Variants in CSMD1 observed in about 807,000 individuals in gnomAD.
CSMD1 encodes CUB and Sushi multiple domains 1, also known as CUB and sushi domain-containing protein 1.
Under a neutral mutation model 417.5 loss-of-function variants are expected in CSMD1, and 213 were observed. The observed-to-expected ratio is 0.51, with a 90% CI of 0.46 to 0.57. The LOEUF (loss-of-function observed/expected upper bound fraction) is 0.57, where lower values mean the gene tolerates loss of function less well. CSMD1 is among the 20% of genes least tolerant of loss of function. The probability of loss-of-function intolerance (pLI) is 0.00; values close to 1 mark genes in which losing one functional copy is unlikely to be tolerated. For missense variants in CSMD1, 6,923 were observed against 4,529.7 expected (o/e 1.53, Z -15.17); for synonymous variants, 2,862 against 1,736.8 (o/e 1.65, Z -16.11).
At chr8:3,581,296 C>A (rs1180580968) in intron 9 of CSMD1, among the ~76,000 whole-genome samples, 1 of 152,128 alleles carries the variant, frequency 6.6e-6, no homozygotes, top group Non-Finnish European at 1.5e-5. Context: ...TCTTACCCTG[C>A]AAAAAATCAT....
At chr8:4,586,527 T>C (rs1167177358) in intron 2 of CSMD1, among the ~76,000 whole-genome samples, 1 of 152,196 alleles carries the variant, frequency 6.6e-6, no homozygotes, top group Non-Finnish European at 1.5e-5. Context: ...TTGGCAATTT[T>C]CCAGGAAAAA....
At chr8:3,468,956 C>G in intron 11 of CSMD1, 132 bp from the exon 12 acceptor site, 2 of 587,110 alleles carry the variant, frequency 3.4e-6, no homozygotes, top group Non-Finnish European at 6.1e-6. Context: ...CTTTCAAAGA[C>G]TGTACAGCCT....
At chr8:4,437,810 T>C (rs944506533) in intron 2 of CSMD1, among the ~76,000 whole-genome samples, 11 of 152,160 alleles carry the variant, frequency 7.2e-5, no homozygotes, top group African/African-American at 2.7e-4. Flanking sequence ...AGGCCGTGTT[T>C]GGTTGATGGG....
chr8:3,838,463 T>G (rs1802851245), intron 5 of CSMD1, among the ~76,000 whole-genome samples: 1 of 141,454 alleles, frequency 7.1e-6, no homozygotes, highest in South Asian at 2.1e-4. Flanking sequence ...ATATATAGGC[T>G]ATATTATATT....
At chr8:3,523,773 A>C (rs1797620042) in intron 10 of CSMD1, among the ~76,000 whole-genome samples, 6 of 151,844 alleles carry the variant, frequency 4.0e-5, no homozygotes, top group Admixed American at 3.9e-4. Context: ...ATGCACACAC[A>C]TGCACACCCA....
chr8:3,965,950 C>G (rs777772184), intron 5 of CSMD1, among the ~76,000 whole-genome samples: 5 of 152,108 alleles, frequency 3.3e-5, no homozygotes, highest in Admixed American at 6.5e-5. Context: ...TAAGAACTGT[C>G]AAGGTCTTTT....
At chr8:4,180,339 A>G (rs35340681) in intron 3 of CSMD1, among the ~76,000 whole-genome samples, 1 of 150,526 alleles carries the variant, frequency 6.6e-6, no homozygotes, top group Non-Finnish European at 1.5e-5. Flanking sequence ...AAAAAACCAA[A>G]CAATGCATGT....
intron 1 of CSMD1, among the ~76,000 whole-genome samples, chr8:4,934,103 G>A (rs1204848467): frequency 6.6e-6 from 1 of 152,078 alleles, no homozygotes; most frequent in Non-Finnish European, 1.5e-5. Flanking sequence ...CGGCAGCCGT[G>A]AGCACCAGGG....
At chr8:4,119,439 T>C (rs1419065763) in intron 3 of CSMD1, among the ~76,000 whole-genome samples, 1 of 152,172 alleles carries the variant, frequency 6.6e-6, no homozygotes, top group Non-Finnish European at 1.5e-5. Flanking sequence ...TATTGATGTG[T>C]CATGGACTGA....
At chr8:3,906,193 A>C (rs1808097739) in intron 5 of CSMD1, among the ~76,000 whole-genome samples, 4 of 152,190 alleles carry the variant, frequency 2.6e-5, no homozygotes, top group Admixed American at 1.3e-4. Context: ...AATGTAAGTG[A>C]ATCACAAGTG....
chr8:4,153,969 A>C (rs1796698285), intron 3 of CSMD1, among the ~76,000 whole-genome samples: 1 of 152,184 alleles, frequency 6.6e-6, no homozygotes. Flanking sequence ...ACTGACAGCA[A>C]ATTACTGAGA....
Position 3,893,345 on chromosome 8 carries a change from A to ATATATATATATATATATATATG in CSMD1, c.818+104557_818+104558insCATATATATATATATATATATA, listed in dbSNP as rs1554476833. On this transcript the variant is annotated intron_variant, in intron 5 of 69. Coordinates refer to ENST00000635120, the MANE Select transcript of CSMD1 (RefSeq NM_033225.6). The stretch of plus-strand genomic sequence containing the variant: ...ACTAATAATATTCACAATTTTATAT[A>ATATATATATATATATATATATG]TATATATATATATATATTATTTTTT... Among the ~76,000 whole-genome samples, 232 of 127,282 alleles carry ATATATATATATATATATATATG rather than the reference A, an allele frequency of 1.8e-3. 9 individuals are homozygous for ATATATATATATATATATATATG. The highest frequency in any genetic ancestry group is 6.0e-3 in the African/African-American group (223 of 37,346). The allele number at this position is 127,282 out of a possible 152,430, so 83.5% of individuals were successfully genotyped here.
At chr8:3,568,331 G>T (rs1287136990) in intron 10 of CSMD1, among the ~76,000 whole-genome samples, 1 of 152,092 alleles carries the variant, frequency 6.6e-6, no homozygotes, top group Non-Finnish European at 1.5e-5. Flanking sequence ...TCTTTTTATA[G>T]CTGAGTAATA....
intron 3 of CSMD1, among the ~76,000 whole-genome samples, chr8:4,324,380 G>C (rs1225574561): frequency 6.6e-6 from 1 of 152,200 alleles, no homozygotes; most frequent in Non-Finnish European, 1.5e-5. Flanking sequence ...GACACCAGAG[G>C]TGGGGCAGGA....
intron 26 of CSMD1, among the ~76,000 whole-genome samples, chr8:3,276,266 G>A (rs1486196572): frequency 6.6e-6 from 1 of 152,154 alleles, no homozygotes; most frequent in East Asian, 1.9e-4. Context: ...ACTTGAGGAG[G>A]CAGTCTTCCT....
At chr8:4,309,114 T>C (rs900778377) in intron 3 of CSMD1, among the ~76,000 whole-genome samples, 1 of 152,198 alleles carries the variant, frequency 6.6e-6, no homozygotes, top group African/African-American at 2.4e-5. Context: ...TCTAGTTTAA[T>C]CAATGTCAGG....
chr8:3,719,941 G>C (rs74628457), intron 6 of CSMD1, among the ~76,000 whole-genome samples: 2 of 152,134 alleles, frequency 1.3e-5, no homozygotes, highest in African/African-American at 4.8e-5. Context: ...GATTCCTCGT[G>C]TGTTTAATAA....
intron 5 of CSMD1, among the ~76,000 whole-genome samples, chr8:3,901,037 T>C (rs924606621): frequency 2.6e-5 from 4 of 152,234 alleles, no homozygotes; most frequent in Non-Finnish European, 2.9e-5. Context: ...ACTTTGGTAA[T>C]AAGATGGCTT....
At chr8:4,938,240 A>C (rs1202000562) in intron 1 of CSMD1, among the ~76,000 whole-genome samples, 3 of 152,182 alleles carry the variant, frequency 2.0e-5, no homozygotes, top group Non-Finnish European at 4.4e-5. Context: ...TACACTAGAA[A>C]ATGGATTTCA....
Sources: allele counts gnomAD v4.1 joint callset (sites outside exome capture counted in the v4.1 genomes callset), GRCh38; gene constraint gnomAD v4.1.1; transcripts MANE v1.5; gene names NCBI Gene and HGNC (gene_info 2026-07-23, HGNC 2026-07-21).